The following PTPN13 variants were observed in gnomAD, a reference collection of about 807,000 sequenced individuals.
PTPN13 encodes tyrosine-protein phosphatase non-receptor type 13.
Under a neutral mutation model 284.0 loss-of-function variants are expected in PTPN13, and 191 were observed. The ratio of observed to expected loss-of-function variants is 0.67; its 90% CI spans 0.60 to 0.76. The LOEUF is 0.76. Among genes scored for constraint, PTPN13 ranks in the 30% least tolerant of loss-of-function variants. PTPN13 has a pLI of 0.00. For missense variants in PTPN13, 2,797 were observed against 2,939.9 expected, an observed-to-expected ratio of 0.95 and a Z score of 1.12; for synonymous variants, 986 against 1,022.3, an observed-to-expected ratio of 0.96 and a Z score of 0.68.
At chr4:86,659,543 T>G (rs1292657264) in intron 2 of PTPN13, among the ~76,000 whole-genome samples, 1 of 152,124 alleles carries the variant, frequency 6.6e-6, no homozygotes, top group Non-Finnish European at 1.5e-5. Flanking sequence ...TGACCAGGTG[T>G]AGTGGCTCAC....
intron 1 of PTPN13, among the ~76,000 whole-genome samples, chr4:86,610,659 G>A (rs1284001242): frequency 6.6e-6 from 1 of 152,168 alleles, no homozygotes; most frequent in African/African-American, 2.4e-5. Flanking sequence ...CCTAATTTGT[G>A]AAGTCTTCTA....
chr4:86,669,833 A>ATTTTGCCTC (rs1369069756), intron 2 of PTPN13, among the ~76,000 whole-genome samples: 4 of 152,152 alleles, frequency 2.6e-5, no homozygotes, highest in Non-Finnish European at 5.9e-5. Flanking sequence ...TGAAATGGTA[A>ATTTTGCCTC]CAGTTACACT....
intron 7 of PTPN13, among the ~76,000 whole-genome samples, chr4:86,713,213 G>C (rs901769691): frequency 3.3e-5 from 5 of 151,926 alleles, no homozygotes; most frequent in Admixed American, 3.3e-4. Flanking sequence ...GGCCTTATTG[G>C]TCTTATTGTC....
rs989714752 is a variant in PTPN13 at position 86,800,184 on chromosome 4, G to A, written c.6505+980G>A. Among the ~76,000 whole-genome samples the A allele has an allele frequency of 4.0e-5, 6 of 151,892 alleles. No individual in the cohort carries two copies. The East Asian group carries it at 7.7e-4, about 20-fold the overall frequency. ...AATCCCAACCTCATCTTTTATGATC[G>A]GGAATCAATTGGTCTGTTTCACTAT... On this transcript the variant is annotated intron_variant, in intron 42 of 47. Transcript: ENST00000411767.
intron 10 of PTPN13, among the ~76,000 whole-genome samples, chr4:86,731,074 T>C (rs1254102487): frequency 6.6e-6 from 1 of 152,202 alleles, no homozygotes; most frequent in Non-Finnish European, 1.5e-5. Flanking sequence ...CTCAATTAAA[T>C]TGAATAGAAT....
At chr4:86,714,348 C>G (rs1290104770) in intron 7 of PTPN13, among the ~76,000 whole-genome samples, 1 of 152,096 alleles carries the variant, frequency 6.6e-6, no homozygotes, top group Non-Finnish European at 1.5e-5. Context: ...TTAGTTACCT[C>G]TTTTAAGAAG....
intron 2 of PTPN13, among the ~76,000 whole-genome samples, chr4:86,645,804 A>AT (rs1232629988): frequency 4.0e-5 from 6 of 151,436 alleles, no homozygotes; most frequent in South Asian, 2.1e-4. Flanking sequence ...AACAGGCTAT[A>AT]TTTTTTTTTG....
chr4:86,606,664 A>G (rs913705279), intron 1 of PTPN13, among the ~76,000 whole-genome samples: 10 of 151,886 alleles, frequency 6.6e-5, no homozygotes, highest in African/African-American at 2.2e-4. Flanking sequence ...GTCAAGTGCA[A>G]TGCAATTCAA....
intron 9 of PTPN13, among the ~76,000 whole-genome samples, chr4:86,720,317 G>T (rs1412249450): frequency 6.6e-6 from 1 of 152,066 alleles, no homozygotes; most frequent in African/African-American, 2.4e-5. Flanking sequence ...TCCTAATTTT[G>T]ATTGTTTCCA....
In PTPN13 at chr4:86,766,607, T is replaced by C. The variant is rs1739345576; in HGVS notation, c.4329+90T>C. On this transcript the variant is annotated intron_variant, in intron 27 of 47. Coordinates refer to ENST00000411767, the MANE Select transcript of PTPN13 (RefSeq NM_080683.3). ...TCAGTTCTCATTGAGATCTCTAAAT[T>C]TGTCAGCTAATCAAGAAACCAAGCC... 3.2e-6 allele frequency: 3 copies of C among 944,572 alleles called. No individual in the cohort carries two copies. In the East Asian group the frequency reaches 9.1e-5, roughly 29 times the overall value. The allele number at this position is 944,572 out of a possible 1,614,324, so 58.5% of individuals were successfully genotyped here.
At chr4:86,662,266 AT>A in intron 2 of PTPN13, among the ~76,000 whole-genome samples, 1 of 152,208 alleles carries the variant, frequency 6.6e-6, no homozygotes, top group South Asian at 2.1e-4. Flanking sequence ...CATGGTTAAC[AT>A]TTTTATAGCT....
chr4:86,734,259 A>G, intron 12 of PTPN13, 44 bp from the exon 13 acceptor site: 1 of 1,352,506 alleles, frequency 7.4e-7, no homozygotes, highest in East Asian at 2.6e-5. Context: ...AAAACACTAA[A>G]GTATTTTTTT....
intron 40 of PTPN13, among the ~76,000 whole-genome samples, chr4:86,787,794 T>G (rs2149326315): frequency 6.6e-6 from 1 of 152,346 alleles, no homozygotes; most frequent in Admixed American, 6.5e-5. Context: ...TCTTTCCATG[T>G]GAGACGTATA....
At chr4:86,644,102 G>A (rs1206739525) in intron 2 of PTPN13, among the ~76,000 whole-genome samples, 7 of 151,540 alleles carry the variant, frequency 4.6e-5, no homozygotes, top group African/African-American at 1.5e-4. Context: ...TAGACAACCC[G>A]AATTGTCCTA....
intron 27 of PTPN13, 126 bp downstream of exon 27, chr4:86,766,643 A>T: frequency 1.7e-6 from 1 of 602,946 alleles, no homozygotes; most frequent in Non-Finnish European, 2.7e-6. Context: ...TGATATATAT[A>T]ACCATCTGGG....
At position 86,805,304 on chromosome 4, in the gene PTPN13, A is replaced by C. The variant is rs1447004517; in HGVS notation, c.6680A>C (p.Asp2227Ala). The change falls in exon 44 of 48, where the codon GAT becomes GCT. Residue 2227 changes from aspartate (D) to alanine (A), a missense_variant. Transcript: ENST00000411767. Reference protein sequence around the residue: ...LENLQELKPLDQCLIGQTKEN... With the variant: ...LENLQELKPLAQCLIGQTKEN... ...AATCTTCAAGAATTAAAACCTTTGG[A>C]TCAGTGTCTAATTGGGCAAACTAAG... 2.5e-6 allele frequency: 4 copies of C among 1,598,482 alleles called. No homozygotes were observed. The highest frequency in any genetic ancestry group is 3.4e-6 in the Non-Finnish European group (4 of 1,168,900).
In PTPN13 at chr4:86,701,828, A is replaced by G. The variant is rs577802863; in HGVS notation, c.1195+27A>G. On this transcript the variant is annotated intron_variant, in intron 7 of 47. Coordinates refer to ENST00000411767, the MANE Select transcript of PTPN13 (RefSeq NM_080683.3). ...TTAGTAATTCTGTGCATGTTTGAGA[A>G]AGAATTGAAGTATTTTAAATATTTT... is the stretch of plus-strand genomic sequence containing the variant. 12 of 1,534,584 alleles carry G rather than the reference A, an allele frequency of 7.8e-6. No homozygotes were observed. In the African/African-American group the frequency reaches 1.5e-4, roughly 20 times the overall value.
At chr4:86,785,130 T>C in intron 38 of PTPN13, 101 bp from the exon 39 acceptor site, 1 of 892,942 alleles carries the variant, frequency 1.1e-6, no homozygotes, top group Non-Finnish European at 1.6e-6. Flanking sequence ...AATTGGTTGC[T>C]TAAAATTTGA....
chr4:86,703,776 G>A (rs549488209), intron 7 of PTPN13, among the ~76,000 whole-genome samples: 29 of 152,192 alleles, frequency 1.9e-4, no homozygotes, highest in African/African-American at 7.0e-4. Flanking sequence ...GGCTGAGGTG[G>A]GAGGATCACT....
Sources: gnomAD v4.1 joint callset for allele counts (sites outside exome capture counted in the v4.1 genomes callset) on GRCh38, gnomAD v4.1.1 for gene constraint, MANE v1.5 for transcripts, NCBI Gene and HGNC (gene_info 2026-07-23, HGNC 2026-07-21) for gene names.